DSCAM: variants seen among roughly 807,000 people sequenced by gnomAD.
DSCAM encodes the protein cell adhesion molecule DSCAM.
A neutral mutation model predicts 217.7 loss-of-function variants in DSCAM; 47 were observed. That is an observed-to-expected ratio of 0.22 (90% CI 0.17 to 0.28). DSCAM has a LOEUF of 0.28. Among genes scored for constraint, DSCAM ranks in the 10% least tolerant of loss-of-function variants. DSCAM has a pLI of 1.00. For missense variants in DSCAM, 2,080 were observed against 2,618.3 expected (o/e 0.79, Z 4.49); for synonymous variants, 1,056 against 1,015.3 (o/e 1.04, Z -0.76).
At chr21:40,585,437 A>G (rs1423914207) in intron 3 of DSCAM, among the ~76,000 whole-genome samples, 1 of 50,434 alleles carries the variant, frequency 2.0e-5, no homozygotes, top group African/African-American at 4.6e-5. Flanking sequence ...AAAAAAAAAA[A>G]AAAAAAGAAA....
intron 1 of DSCAM, among the ~76,000 whole-genome samples, chr21:40,741,624 G>T (rs1308781744): frequency 1.3e-5 from 2 of 152,082 alleles, no homozygotes; most frequent in African/African-American, 4.8e-5. Context: ...TGAAGTCTGA[G>T]AACCACTCTT....
chr21:40,455,630 A>C (rs2075757234), intron 3 of DSCAM, among the ~76,000 whole-genome samples: 1 of 152,092 alleles, frequency 6.6e-6, no homozygotes, highest in South Asian at 2.1e-4. Context: ...TTAGCTGGGC[A>C]TGGTGGCATG....
chr21:40,643,208 C>G (rs185100337), intron 3 of DSCAM, among the ~76,000 whole-genome samples: 1 of 152,258 alleles, frequency 6.6e-6, no homozygotes, highest in African/African-American at 2.4e-5. Flanking sequence ...TTCCTACTGT[C>G]TTGAACTGAG....
intron 11 of DSCAM, among the ~76,000 whole-genome samples, chr21:40,268,018 C>A (rs899524799): frequency 3.9e-5 from 6 of 152,204 alleles, no homozygotes; most frequent in African/African-American, 1.4e-4. Flanking sequence ...TACATTCCAG[C>A]AAACAGGGTC....
intron 18 of DSCAM, among the ~76,000 whole-genome samples, chr21:40,137,263 G>GC (rs1555882461): frequency 1.7e-4 from 1 of 5,772 alleles, no homozygotes; most frequent in East Asian, 2.3e-3. Context: ...AATTAACATT[G>GC]GGGGGGGGGT....
intron 3 of DSCAM, among the ~76,000 whole-genome samples, chr21:40,692,534 C>G (rs1477396841): frequency 6.6e-6 from 1 of 152,158 alleles, no homozygotes; most frequent in African/African-American, 2.4e-5. Context: ...AGACGTAAAA[C>G]CACAATTTTC....
At chr21:40,432,442 T>C (rs2075543722) in intron 3 of DSCAM, among the ~76,000 whole-genome samples, 1 of 152,084 alleles carries the variant, frequency 6.6e-6, no homozygotes. Flanking sequence ...CTCTGTCTTA[T>C]GAGGACCCTT....
intron 3 of DSCAM, among the ~76,000 whole-genome samples, chr21:40,593,683 T>G (rs1751643746): frequency 3.3e-5 from 5 of 152,200 alleles, no homozygotes; most frequent in Admixed American, 3.3e-4. Context: ...TAAAATTATC[T>G]GAAAGCATCA....
At chr21:40,696,032 G>A (rs2090591206) in intron 2 of DSCAM, among the ~76,000 whole-genome samples, 1 of 151,852 alleles carries the variant, frequency 6.6e-6, no homozygotes, top group African/African-American at 2.4e-5. Context: ...TCCAACTACT[G>A]CTAACTTTGT....
chr21:40,242,880 G>A (rs900538113), intron 11 of DSCAM, among the ~76,000 whole-genome samples: 2 of 152,168 alleles, frequency 1.3e-5, no homozygotes, highest in Non-Finnish European at 2.9e-5. Flanking sequence ...GGACTTTTCT[G>A]GATCTGTTTC....
intron 1 of DSCAM, among the ~76,000 whole-genome samples, chr21:40,724,843 T>C (rs1028677954): frequency 6.6e-6 from 1 of 152,260 alleles, no homozygotes; most frequent in African/African-American, 2.4e-5. Context: ...AACTTCACTA[T>C]GTTCAGAAGT....
intron 2 of DSCAM, among the ~76,000 whole-genome samples, chr21:40,705,474 G>A (rs976235912): frequency 2.6e-5 from 4 of 152,078 alleles, no homozygotes; most frequent in South Asian, 2.1e-4. Flanking sequence ...CCAAGACTGG[G>A]CAATTTATAA....
chr21:40,805,000 C>T (rs936553807), intron 1 of DSCAM, among the ~76,000 whole-genome samples: 1 of 152,112 alleles, frequency 6.6e-6, no homozygotes, highest in Non-Finnish European at 1.5e-5. Flanking sequence ...GTGAAAGGCA[C>T]GTCCACTCAG....
chr21:40,205,361 G>T (rs987609334), intron 11 of DSCAM, among the ~76,000 whole-genome samples: 1 of 152,114 alleles, frequency 6.6e-6, no homozygotes, highest in Non-Finnish European at 1.5e-5. Flanking sequence ...CCAGCACTTT[G>T]GGAGGCCAAG....
intron 3 of DSCAM, among the ~76,000 whole-genome samples, chr21:40,457,090 T>C (rs146220337): frequency 4.6e-4 from 70 of 152,242 alleles, no homozygotes; most frequent in African/African-American, 1.5e-3. Context: ...GATAAATCAA[T>C]TAATCAAGAT....
At chr21:40,608,663 G>A (rs1009513861) in intron 3 of DSCAM, among the ~76,000 whole-genome samples, 2 of 152,160 alleles carry the variant, frequency 1.3e-5, no homozygotes, top group African/African-American at 4.8e-5. Context: ...ATATTCAAAT[G>A]CAGAACTTTC....
At chr21:40,172,327 T>G (rs897160094) in intron 15 of DSCAM, among the ~76,000 whole-genome samples, 3 of 152,210 alleles carry the variant, frequency 2.0e-5, no homozygotes, top group African/African-American at 7.2e-5. Context: ...CCAAAACTCT[T>G]CGATCTGTAA....
chr21:40,438,070 G>A (rs1412032473), intron 3 of DSCAM, among the ~76,000 whole-genome samples: 1 of 152,168 alleles, frequency 6.6e-6, no homozygotes, highest in African/African-American at 2.4e-5. Context: ...TGAAGTTTCT[G>A]GCAGTAGCAG....
chr21:40,302,867 G>A (rs185790620), intron 9 of DSCAM, among the ~76,000 whole-genome samples: 160 of 152,234 alleles, frequency 1.1e-3, no homozygotes, highest in Non-Finnish European at 1.6e-3. Context: ...TTGGTGGGGG[G>A]TGGATTACTT....
Sources: allele counts gnomAD v4.1 joint callset (sites outside exome capture counted in the v4.1 genomes callset), GRCh38; gene constraint gnomAD v4.1.1; transcripts MANE v1.5; gene names NCBI Gene and HGNC (gene_info 2026-07-23, HGNC 2026-07-21).